CDH7: variants seen among roughly 807,000 people sequenced by gnomAD.
CDH7 encodes cadherin 7.
In CDH7, 25 loss-of-function variants were observed where a neutral mutation model predicts 71.8. The observed-to-expected ratio is 0.35, with a 90% confidence interval of 0.25 to 0.49. The LOEUF is 0.49. CDH7 is among the 20% of genes least tolerant of loss of function. The pLI is 0.99. For synonymous variants in CDH7, 381 were observed against 363.8 expected (o/e 1.05, Z -0.54); for missense variants, 862 against 974.6 (o/e 0.88, Z 1.54).
At chr18:65,790,614 A>G (rs1599008239) in intron 2 of CDH7, among the ~76,000 whole-genome samples, 1 of 152,192 alleles carries the variant, frequency 6.6e-6, no homozygotes, top group East Asian at 1.9e-4. Context: ...ATTGCCTGCA[A>G]TCTCAGCACT....
At position 65,766,901 on chromosome 18, in the gene CDH7, A is replaced by ATT. The variant is rs1568174087; in HGVS notation, c.210+3849_210+3850insTT. ...TGTCTGACGTAAAAAAAAAAAAAAA[A>ATT]AAAAAAAAAAAAAAAAAAAAAGTCT... On this transcript the variant is annotated intron_variant, in intron 2 of 11. Coordinates refer to ENST00000397968, the MANE Select transcript of CDH7 (RefSeq NM_004361.5). Among the ~76,000 whole-genome samples, 2 of 55,476 alleles carry ATT rather than the reference A, an allele frequency of 3.6e-5. 1 individual carries two copies. The highest frequency in any genetic ancestry group is 2.9e-4 in the African/African-American group (2 of 6,962). The allele number at this position is 55,476 out of a possible 152,430, so 36.4% of individuals were successfully genotyped here. A position where few individuals can be genotyped will look rare whatever the true frequency, so the allele number is the denominator to read the frequency against.
chr18:65,789,226 A>G (rs1025167803), intron 2 of CDH7, among the ~76,000 whole-genome samples: 3 of 152,188 alleles, frequency 2.0e-5, no homozygotes, highest in African/African-American at 7.2e-5. Context: ...GTCTTTAAAG[A>G]GGAGGTAATA....
At chr18:65,870,472 C>A (rs564729447) in intron 11 of CDH7, among the ~76,000 whole-genome samples, 1 of 152,142 alleles carries the variant, frequency 6.6e-6, no homozygotes, top group Non-Finnish European at 1.5e-5. Context: ...TTTTACGTCT[C>A]TGCTTGAAAC....
At chr18:65,870,274 A>G (rs1482377029) in intron 11 of CDH7, among the ~76,000 whole-genome samples, 1 of 152,182 alleles carries the variant, frequency 6.6e-6, no homozygotes, top group Non-Finnish European at 1.5e-5. Context: ...CCATAAGTGC[A>G]AGATAAAATT....
chr18:65,790,686 T>C (rs1910682412), intron 2 of CDH7, among the ~76,000 whole-genome samples: 1 of 152,136 alleles, frequency 6.6e-6, no homozygotes, highest in African/African-American at 2.4e-5. Flanking sequence ...CTGGCTAACA[T>C]TGTGAAATCC....
chr18:65,869,256 C>T (rs1036023541), intron 11 of CDH7, among the ~76,000 whole-genome samples: 1 of 151,056 alleles, frequency 6.6e-6, no homozygotes, highest in Admixed American at 6.6e-5. Flanking sequence ...TGTGGCAACT[C>T]TACCATTCTC....
intron 10 of CDH7, among the ~76,000 whole-genome samples, chr18:65,860,654 A>G (rs780819935): frequency 2.6e-5 from 4 of 152,138 alleles, no homozygotes; most frequent in Admixed American, 6.5e-5. Flanking sequence ...GAAAATATCT[A>G]TTTTTAAAAA....
chr18:65,873,325 T>C (rs1913981368), intron 11 of CDH7, among the ~76,000 whole-genome samples: 1 of 152,138 alleles, frequency 6.6e-6, no homozygotes, highest in Non-Finnish European at 1.5e-5. Context: ...GCAATTAGAG[T>C]ATTCTGGTGT....
At chr18:65,833,339 C>T (rs1415166847) in intron 6 of CDH7, among the ~76,000 whole-genome samples, 1 of 152,136 alleles carries the variant, frequency 6.6e-6, no homozygotes, top group Non-Finnish European at 1.5e-5. Flanking sequence ...TTTAGTATTT[C>T]ATAAATGTTG....
In CDH7 at chr18:65,824,936, TA is replaced by T. The variant is rs141144472; in HGVS notation, c.981+106del. On this transcript the variant is annotated intron_variant, in intron 6 of 11. Coordinates refer to ENST00000397968, the MANE Select transcript of CDH7 (RefSeq NM_004361.5). ...CCGAATGGCCATATGGGACCATTAC[TA>T]TTTTAATTTTAGTAAGATAAGCTAT... is the stretch of plus-strand genomic sequence containing the variant. 136,921 of 646,566 alleles carry T rather than the reference TA, an allele frequency of 0.21. 16,845 individuals are homozygous for T. Among genetic ancestry groups the T allele is most frequent in the Non-Finnish European group, 0.25 (101,612 of 406,554 alleles). 40.1% of individuals were successfully genotyped at this position (646,566 alleles called of 1,614,324 possible).
In CDH7 at chr18:65,801,426, A is replaced by T. The variant is rs188973967; in HGVS notation, c.211-8278A>T. 1.8e-4 allele frequency among the ~76,000 whole-genome samples: 27 copies of T among 152,344 alleles called. No individual in the cohort carries two copies. In the East Asian group the frequency reaches 5.2e-3, roughly 29 times the overall value. ...CTTTTAATCTGTAATTTTTACAAAG[A>T]TGCTAGAAAGGATGAACTAGACAAA... On this transcript the variant is annotated intron_variant, in intron 2 of 11. Coordinates refer to ENST00000397968, the MANE Select transcript of CDH7 (RefSeq NM_004361.5).
chr18:65,863,775 A>G (rs1913664715), intron 11 of CDH7: 1 of 152,208 alleles, frequency 6.6e-6, no homozygotes, highest in Non-Finnish European at 1.5e-5. Context: ...ACTCGGTTAA[A>G]TTAAATTTAT....
chr18:65,874,772 T>A (rs1298376137), intron 11 of CDH7, among the ~76,000 whole-genome samples: 2 of 151,990 alleles, frequency 1.3e-5, no homozygotes, highest in Non-Finnish European at 2.9e-5. Flanking sequence ...TATATAGATA[T>A]GTGGCCTTAT....
In CDH7 at chr18:65,856,560, A is replaced by G. The variant is rs184961551; in HGVS notation, c.1236-1256A>G. On this transcript the variant is annotated intron_variant, in intron 7 of 11. Transcript: ENST00000397968. ...GAGCTGACAAGTCAAGGGTATGTTC[A>G]TAAGAATCCATGACGCCTGGAGTAA... 4.2e-4 allele frequency among the ~76,000 whole-genome samples: 64 copies of G among 152,250 alleles called. No homozygotes were observed. The East Asian group carries it at 8.5e-3, about 20-fold the overall frequency.
chr18:65,813,630 T>A (rs946764070), intron 3 of CDH7, among the ~76,000 whole-genome samples: 3 of 151,980 alleles, frequency 2.0e-5, no homozygotes, highest in Non-Finnish European at 2.9e-5. Context: ...TTGTTCCATA[T>A]TTAAAAGATA....
chr18:65,868,066 A>G (rs1458850176), intron 11 of CDH7, among the ~76,000 whole-genome samples: 2 of 63,510 alleles, frequency 3.1e-5, no homozygotes, highest in East Asian at 6.9e-4. Context: ...GATTGTGGAG[A>G]AAAAAAGTGG....
At position 65,789,202 on chromosome 18, in the gene CDH7, G is replaced by A. The variant is rs1296794059; in HGVS notation, c.211-20502G>A. ...AAGGAAAGAGTATCAAAATCAGCCT[G>A]GGACATCAGGCAGGTCTTTAAAGAG... is the stretch of plus-strand genomic sequence containing the variant. On this transcript the variant is annotated intron_variant, in intron 2 of 11. Coordinates refer to ENST00000397968, the MANE Select transcript of CDH7 (RefSeq NM_004361.5). Among the ~76,000 whole-genome samples the A allele has an allele frequency of 3.3e-5, 5 of 152,240 alleles. No homozygotes were observed. In the East Asian group the frequency reaches 9.7e-4, roughly 29 times the overall value.
In CDH7 at chr18:65,762,752, C is replaced by T. The variant is rs894361486; in HGVS notation, c.-91C>T. 35 of 1,023,306 alleles carry T rather than the reference C, an allele frequency of 3.4e-5. No homozygotes were observed. Among genetic ancestry groups the T allele is most frequent in the Middle Eastern group, 6.3e-4 (2 of 3,158 alleles). 63.4% of individuals were successfully genotyped at this position (1,023,306 alleles called of 1,614,324 possible). A position where few individuals can be genotyped will look rare whatever the true frequency, so the allele number is the denominator to read the frequency against. On this transcript the variant is annotated 5_prime_UTR_variant, in exon 2 of 12. Coordinates refer to ENST00000397968, the MANE Select transcript of CDH7 (RefSeq NM_004361.5). The stretch of plus-strand genomic sequence containing the variant: ...TCTGGACTCCCAGCTGACACCCTGC[C>T]GGAGGCAAGAGCTACTAAGCCAACT...
In CDH7 at chr18:65,880,433, C is replaced by A; in HGVS notation, c.1897C>A (p.Arg633=). 1 of 1,556,092 alleles carries A rather than the reference C, an allele frequency of 6.4e-7. No individual in the cohort carries two copies. The highest frequency in any genetic ancestry group is 8.6e-7 in the Non-Finnish European group (1 of 1,158,628). The change falls in exon 12 of 12, where the codon CGG becomes AGG. Residue 633 remains arginine (R), a synonymous_variant. Coordinates refer to ENST00000397968, the MANE Select transcript of CDH7 (RefSeq NM_004361.5). ...LILLIVTMRR[R]KKEPLIFDEE... ...CCTCCTTATCGTCACTATGAGAAGACGGAAAAAAGAGCCCCTTATTTTTGA... is the reference window on the plus strand; with the variant it reads ...CCTCCTTATCGTCACTATGAGAAGAAGGAAAAAAGAGCCCCTTATTTTTGA...
Sources: allele counts gnomAD v4.1 joint callset (sites outside exome capture counted in the v4.1 genomes callset), GRCh38; gene constraint gnomAD v4.1.1; transcripts MANE v1.5; gene names NCBI Gene and HGNC (gene_info 2026-07-23, HGNC 2026-07-21).